Variants in MBD5 observed in about 807,000 individuals in gnomAD.
MBD5 encodes the protein methyl-CpG-binding domain protein 5.
MBD5 carries 13 observed loss-of-function variants against 117.3 expected under a neutral mutation model. The observed-to-expected ratio is 0.11, with a 90% CI of 0.07 to 0.18. The LOEUF (loss-of-function observed/expected upper bound fraction) is 0.18, where lower values mean the gene tolerates loss of function less well. MBD5 is among the 10% of genes least tolerant of loss of function. The pLI is 1.00. For synonymous variants in MBD5, 727 were observed against 766.4 expected (o/e 0.95, Z 0.85); for missense variants, 1,879 against 2,093.8 (o/e 0.90, Z 2.00).
chr2:148,423,108 C>A (rs968422671), intron 4 of MBD5, among the ~76,000 whole-genome samples: 1 of 152,080 alleles, frequency 6.6e-6, no homozygotes, highest in Non-Finnish European at 1.5e-5. Flanking sequence ...TCGAGAAGAG[C>A]AACCCCAAGA....
intron 1 of MBD5, among the ~76,000 whole-genome samples, chr2:148,175,602 A>T (rs1457028621): frequency 6.6e-6 from 1 of 152,186 alleles, no homozygotes; most frequent in African/African-American, 2.4e-5. Context: ...TCTTCATATT[A>T]ATTTCTGAGG....
intron 4 of MBD5, among the ~76,000 whole-genome samples, chr2:148,356,262 CGATAATGGCAGCT>C (rs1246625089): frequency 3.3e-5 from 5 of 152,216 alleles, no homozygotes; most frequent in African/African-American, 1.2e-4. Context: ...AAATTCTTGA[CGATAATGGCAGCT>C]GATCAGTAGG....
chr2:148,387,950 A>C (rs1704428653), intron 4 of MBD5, among the ~76,000 whole-genome samples: 1 of 152,204 alleles, frequency 6.6e-6, no homozygotes, highest in African/African-American at 2.4e-5. Flanking sequence ...ATTTGATTCC[A>C]GTGAAAAATC....
chr2:148,287,422 A>C (rs769637409), intron 3 of MBD5, among the ~76,000 whole-genome samples: 2 of 152,172 alleles, frequency 1.3e-5, no homozygotes, highest in Non-Finnish European at 2.9e-5. Context: ...AGGATATTTG[A>C]GAAGGGCCCA....
At chr2:148,226,740 G>C (rs1348816750) in intron 2 of MBD5, among the ~76,000 whole-genome samples, 2 of 152,148 alleles carry the variant, frequency 1.3e-5, no homozygotes, top group African/African-American at 4.8e-5. Context: ...CAGTGTAAAA[G>C]TGTTCCTATT....
At chr2:148,509,633 C>G (rs548935435) in intron 12 of MBD5, among the ~76,000 whole-genome samples, 4 of 152,184 alleles carry the variant, frequency 2.6e-5, no homozygotes, top group Non-Finnish European at 5.9e-5. Context: ...TCCCTAGTGG[C>G]CAGAGCCTGC....
intron 8 of MBD5, among the ~76,000 whole-genome samples, chr2:148,480,426 A>G (rs188113790): frequency 6.6e-6 from 1 of 152,242 alleles, no homozygotes; most frequent in Admixed American, 6.5e-5. Flanking sequence ...GCATTTTGAA[A>G]ATGTGTTCTC....
rs144580523 is a variant in MBD5 at position 148,161,431 on chromosome 2, T to C, written c.-924-17269T>C. Among the ~76,000 whole-genome samples the C allele has an allele frequency of 2.4e-3, 373 of 152,326 alleles. 2 individuals are homozygous for C. Among genetic ancestry groups the C allele is most frequent in the African/African-American group, 8.3e-3 (346 of 41,554 alleles). ...TATGAATAGGGACCAAGAAAGACTT[T>C]AAAGCTAAGGAAAAATTTGAAGCTT... On this transcript the variant is annotated intron_variant, in intron 1 of 13. Coordinates refer to ENST00000642680, the MANE Select transcript of MBD5 (RefSeq NM_001378120.1).
At chr2:148,247,313 T>C (rs1382461399) in intron 3 of MBD5, among the ~76,000 whole-genome samples, 1 of 152,156 alleles carries the variant, frequency 6.6e-6, no homozygotes, top group Non-Finnish European at 1.5e-5. Context: ...TGTCCTTGTT[T>C]CCAAAAGTTT....
intron 3 of MBD5, among the ~76,000 whole-genome samples, chr2:148,294,988 C>T (rs1701614661): frequency 6.6e-6 from 1 of 152,184 alleles, no homozygotes; most frequent in Non-Finnish European, 1.5e-5. Flanking sequence ...ATTTTCTCTC[C>T]CTTGAACATT....
At chr2:148,349,446 G>A (rs1703199068) in intron 4 of MBD5, among the ~76,000 whole-genome samples, 1 of 151,860 alleles carries the variant, frequency 6.6e-6, no homozygotes, top group Non-Finnish European at 1.5e-5. Context: ...TGTAAATTGA[G>A]TGAGATAAGT....
At chr2:148,184,733 G>A (rs1395937884) in intron 2 of MBD5, among the ~76,000 whole-genome samples, 1 of 152,080 alleles carries the variant, frequency 6.6e-6, no homozygotes, top group Admixed American at 6.5e-5. Context: ...ATTTCCCTCT[G>A]GGGATATTGG....
At chr2:148,385,236 G>A (rs1486973726) in intron 4 of MBD5, among the ~76,000 whole-genome samples, 2 of 152,108 alleles carry the variant, frequency 1.3e-5, no homozygotes, top group Non-Finnish European at 2.9e-5. Flanking sequence ...CTACTATCCA[G>A]AATCTACAAT....
intron 2 of MBD5, among the ~76,000 whole-genome samples, chr2:148,228,824 TG>T (rs1699906723): frequency 6.6e-6 from 1 of 152,246 alleles, no homozygotes; most frequent in African/African-American, 2.4e-5. Flanking sequence ...AACTTCTTCC[TG>T]GTTTAGTCTT....
rs539752108 is a variant in MBD5, at chr2:148,228,256, A to G, written c.-830-4989A>G. Among the ~76,000 whole-genome samples the G allele has an allele frequency of 3.7e-3, 569 of 152,238 alleles. 3 individuals are homozygous for G. Among genetic ancestry groups the G allele is most frequent in the African/African-American group, 0.013 (529 of 41,522 alleles). ...GATATTGGCTGTGGGTTTGTCATAG[A>G]TGGCTCTTATTATTTTGAGATACGT... On this transcript the variant is annotated intron_variant, in intron 2 of 13. Coordinates refer to ENST00000642680, the MANE Select transcript of MBD5 (RefSeq NM_001378120.1).
intron 4 of MBD5, among the ~76,000 whole-genome samples, chr2:148,446,602 C>CTGTGTGTGTG (rs1185100489): frequency 0.22 from 32,855 of 148,568 alleles, 3,758 homozygotes; most frequent in East Asian, 0.35. Flanking sequence ...GATTATTTAT[C>CTGTGTGTGTG]TGTGTGTGTG....
At chr2:148,475,867 A>T (rs1680946918) in intron 8 of MBD5, among the ~76,000 whole-genome samples, 1 of 152,200 alleles carries the variant, frequency 6.6e-6, no homozygotes, top group South Asian at 2.1e-4. Context: ...GTACTAAATA[A>T]TTCAAATCAT....
intron 1 of MBD5, among the ~76,000 whole-genome samples, chr2:148,092,061 T>C (rs564234861): frequency 2.0e-5 from 3 of 152,138 alleles, no homozygotes; most frequent in Non-Finnish European, 4.4e-5. Context: ...GGAAAAATGC[T>C]CAGCATCACT....
At chr2:148,327,389 G>T (rs922744777) in intron 3 of MBD5, among the ~76,000 whole-genome samples, 1 of 152,116 alleles carries the variant, frequency 6.6e-6, no homozygotes, top group Non-Finnish European at 1.5e-5. Flanking sequence ...GGCCTGCCTT[G>T]CTAGATTGGG....
Sources: allele counts gnomAD v4.1 joint callset (sites outside exome capture counted in the v4.1 genomes callset), GRCh38; gene constraint gnomAD v4.1.1; transcripts MANE v1.5; gene names NCBI Gene and HGNC (gene_info 2026-07-23, HGNC 2026-07-21).